Variants in TEAD3 observed in about 807,000 individuals in gnomAD.
The protein encoded by TEAD3 is TEA domain transcription factor 3.
TEAD3 carries 15 observed loss-of-function variants against 55.6 expected under a neutral mutation model. The observed-to-expected ratio is 0.27, with a 90% confidence interval of 0.18 to 0.42. The LOEUF (loss-of-function observed/expected upper bound fraction) is 0.42, where lower values mean the gene tolerates loss of function less well. Among genes scored for constraint, TEAD3 ranks in the 10% least tolerant of loss-of-function variants. The probability of loss-of-function intolerance (pLI) is 1.00; values close to 1 mark genes in which losing one functional copy is unlikely to be tolerated. For synonymous variants in TEAD3, 210 were observed against 232.2 expected (o/e 0.90, Z 0.87); for missense variants, 407 against 576.8 (o/e 0.71, Z 3.01).
Position 35,486,328 on chromosome 6 carries a change from A to T in TEAD3, c.202+133T>A. 1 of 1,082,280 alleles carries T rather than the reference A, an allele frequency of 9.2e-7. No homozygotes were observed. The highest frequency in any genetic ancestry group is 1.3e-6 in the Non-Finnish European group (1 of 764,818). 67.0% of individuals were successfully genotyped at this position (1,082,280 alleles called of 1,614,324 possible). A position where few individuals can be genotyped will look rare whatever the true frequency, so the allele number is the denominator to read the frequency against. On this transcript the variant is annotated intron_variant, in intron 2 of 12. Coordinates refer to ENST00000639578, the Ensembl canonical transcript of TEAD3. The surrounding 1 kb of genome is among the most constrained non-coding windows in gnomAD (Gnocchi z 7.3). ...TGAGGAGGAGCGCGGAGGAGGATCCAGACACACAGGCTTGCGCGCCCAGAC... is the reference window on the plus strand; with the variant it reads ...TGAGGAGGAGCGCGGAGGAGGATCCTGACACACAGGCTTGCGCGCCCAGAC...
Position 35,475,609 on chromosome 6 carries a change from G to C in TEAD3, c.998C>G (p.Thr333Ser). 6.2e-7 allele frequency: 1 copy of C among 1,613,488 alleles called. No homozygotes were observed. Among genetic ancestry groups the C allele is most frequent in the Non-Finnish European group, 8.5e-7 (1 of 1,179,550 alleles). ...CTGTTTGCCAAAGGAGCACACCTTG[G>C]TGGAGACGCTGATGGTCATGCTATC... Residue 333 changes from threonine to serine, a missense_variant, in exon 11 of 13, where the codon ACC (threonine) becomes AGC (serine). Coordinates refer to ENST00000639578, the Ensembl canonical transcript of TEAD3. This position sits in a 1 kb window ranked among gnomAD's most constrained non-coding sequence, Gnocchi z 5.4.
Position 35,475,841 on chromosome 6 carries a change from G to A in TEAD3, c.900+78C>T. The stretch of plus-strand genomic sequence containing the variant: ...CCATGAGGATGCAGCAGGGTCAGAG[G>A]TCAATGCAGTGGGCCTGGATGTTGC... On this transcript the variant is annotated intron_variant, in intron 10 of 12. Transcript: ENST00000639578. This position sits in a 1 kb window ranked among gnomAD's most constrained non-coding sequence, Gnocchi z 5.4. 6.7e-7 allele frequency: 1 copy of A among 1,500,132 alleles called. No homozygotes were observed. The highest frequency in any genetic ancestry group is 2.3e-5 in the East Asian group (1 of 43,854). The allele number at this position is 1,500,132 out of a possible 1,614,324, so 92.9% of individuals were successfully genotyped here.
chr6:35,479,694 C>G (rs533581261), intron 4 of TEAD3, among the ~76,000 whole-genome samples: 9 of 152,322 alleles, frequency 5.9e-5, no homozygotes, highest in African/African-American at 1.9e-4. Flanking sequence ...CTCTGAGATC[C>G]GCAGCTGCAG....
chr6:35,480,150 G>A, intron 3 of TEAD3, 162 bp downstream of exon 4: 1 of 1,549,316 alleles, frequency 6.5e-7, no homozygotes, highest in East Asian at 2.4e-5. Context: ...AAGAGAAAAA[G>A]AACAGAAAGA....
intron 1 of TEAD3, among the ~76,000 whole-genome samples, chr6:35,493,051 G>T (rs544308846): frequency 6.6e-6 from 1 of 152,262 alleles, no homozygotes; most frequent in South Asian, 2.1e-4. Context: ...GTGCCCTCAT[G>T]AGAGTCACGG....
Position 35,484,689 on chromosome 6 carries a change from C to T in TEAD3, c.203-65G>A. Reference sequence around the variant, plus strand: ...GGTGGAGCCAGAGGCTGGAGGCCCCCACCCCACCGGGAAGCCACTCCAGGA... The same window carrying T: ...GGTGGAGCCAGAGGCTGGAGGCCCCTACCCCACCGGGAAGCCACTCCAGGA... On this transcript the variant is annotated intron_variant, in intron 2 of 12. Transcript: ENST00000639578. The surrounding 1 kb of genome is among the most constrained non-coding windows in gnomAD (Gnocchi z 5.8). The T allele has an allele frequency of 6.8e-7, 1 of 1,463,192 alleles. No homozygotes were observed. Among genetic ancestry groups the T allele is most frequent in the South Asian group, 1.2e-5 (1 of 82,316 alleles). 90.6% of individuals were successfully genotyped at this position (1,463,192 alleles called of 1,614,324 possible).
Position 35,488,586 on chromosome 6 carries a change from G to A in TEAD3, c.-49-1875C>T, listed in dbSNP as rs983838377. ...AATTCCAGGTCCTGCTGCTTGAGTC[G>A]GGGTGGACTCTCTCTGCAGAGCCAC... On this transcript the variant is annotated intron_variant, in intron 1 of 12. Transcript: ENST00000639578. This position sits in a 1 kb window ranked among gnomAD's most constrained non-coding sequence, Gnocchi z 4.2. 5.3e-5 allele frequency among the ~76,000 whole-genome samples: 8 copies of A among 152,066 alleles called. No homozygotes were observed. The highest frequency in any genetic ancestry group is 7.4e-5 in the Non-Finnish European group (5 of 68,014).
chr6:35,492,130 C>A (rs1055961083), intron 1 of TEAD3, among the ~76,000 whole-genome samples: 3 of 152,206 alleles, frequency 2.0e-5, no homozygotes, highest in African/African-American at 7.2e-5. Flanking sequence ...TCCACCCCTG[C>A]AGGGACCCCA....
chr6:35,476,924 G>C (rs1050119192), intron 8 of TEAD3, among the ~76,000 whole-genome samples: 16 of 152,214 alleles, frequency 1.1e-4, no homozygotes, highest in African/African-American at 3.9e-4. Flanking sequence ...CTGGGTTTAA[G>C]TGATTCTCCT....
chr6:35,474,978 G>A, exon 13 of TEAD3: 1 of 1,370,020 alleles, frequency 7.3e-7, no homozygotes, highest in Admixed American at 2.5e-5. Flanking sequence ...GACCCCCCCA[G>A]GGGTGCCAGG....
chr6:35,488,972 T>C lies in TEAD3; in HGVS notation c.-49-2261A>G, dbSNP rs1768446543. 6.6e-6 allele frequency among the ~76,000 whole-genome samples: 1 copy of C among 152,230 alleles called. No homozygotes were observed. The highest frequency in any genetic ancestry group is 2.4e-5 in the African/African-American group (1 of 41,460). ...CGGGGTTTCACCATGTTGGCCAGGC[T>C]GGTCTCAAACTTCTGACCTCATGGT... is the stretch of plus-strand genomic sequence containing the variant. On this transcript the variant is annotated intron_variant, in intron 1 of 12. Coordinates refer to ENST00000639578, the Ensembl canonical transcript of TEAD3. The surrounding 1 kb of genome is among the most constrained non-coding windows in gnomAD (Gnocchi z 4.2).
Position 35,484,218 on chromosome 6 carries a change from T to C in TEAD3, c.267+342A>G, listed in dbSNP as rs1581725697. On this transcript the variant is annotated intron_variant, in intron 3 of 12. Transcript: ENST00000639578. The surrounding 1 kb of genome is among the most constrained non-coding windows in gnomAD (Gnocchi z 5.8). Reference sequence around the variant, plus strand: ...CCATCCATCTGACCATCTGGCTCCCTGGCTGGTGAGTGAGCCACTCAGGGC... The same window carrying C: ...CCATCCATCTGACCATCTGGCTCCCCGGCTGGTGAGTGAGCCACTCAGGGC... 6.6e-6 allele frequency among the ~76,000 whole-genome samples: 1 copy of C among 152,150 alleles called. No homozygotes were observed. Among genetic ancestry groups the C allele is most frequent in the African/African-American group, 2.4e-5 (1 of 41,434 alleles).
At position 35,480,299 on chromosome 6, in the gene TEAD3, G is replaced by T. The variant is rs368614198; in HGVS notation, c.268-177C>A. 1.2e-5 allele frequency: 19 copies of T among 1,613,108 alleles called. No individual in the cohort carries two copies. In the African/African-American group the frequency reaches 2.4e-4, roughly 20 times the overall value. On this transcript the variant is annotated intron_variant, in intron 3 of 12. Transcript: ENST00000639578. ...CAGGAGGGCTGAAGGCCCCCGCCAG[G>T]CACCCAACATACCTTGATGCCAACC...
At position 35,492,469 on chromosome 6, in the gene TEAD3, G is replaced by A. The variant is rs183641891; in HGVS notation, c.-50+4429C>T. Reference sequence around the variant, plus strand: ...CCACCTCCAGCCCAAGGACCCCGGAGGGACCCTGCCAAGCAGCCACACCCT... The same window carrying A: ...CCACCTCCAGCCCAAGGACCCCGGAAGGACCCTGCCAAGCAGCCACACCCT... On this transcript the variant is annotated intron_variant, in intron 1 of 12. Coordinates refer to ENST00000639578, the Ensembl canonical transcript of TEAD3. 5.6e-4 allele frequency among the ~76,000 whole-genome samples: 85 copies of A among 152,214 alleles called. No homozygotes were observed. In the East Asian group the frequency reaches 0.012, roughly 22 times the overall value.
chr6:35,489,650 T>C (rs2150916715), intron 1 of TEAD3, among the ~76,000 whole-genome samples: 2 of 152,210 alleles, frequency 1.3e-5, no homozygotes, highest in East Asian at 3.9e-4. Flanking sequence ...AGCCTGTCCC[T>C]CACCCCAGGA....
intron 1 of TEAD3, among the ~76,000 whole-genome samples, chr6:35,494,645 C>T (rs1286615350): frequency 1.3e-5 from 2 of 152,174 alleles, no homozygotes; most frequent in East Asian, 3.8e-4. Flanking sequence ...GCGTTTAGAC[C>T]CCTGGGCTCC....
In TEAD3 at chr6:35,488,072, A is replaced by T. The variant is rs1235686696; in HGVS notation, c.-49-1361T>A. On this transcript the variant is annotated intron_variant, in intron 1 of 12. Transcript: ENST00000639578. The surrounding 1 kb of genome is among the most constrained non-coding windows in gnomAD (Gnocchi z 4.2). ...CACCATTTTATCTTCCCCCAAATCG[A>T]TAACTAACCAGAACTCTGCCAAGGG... 6.6e-6 allele frequency among the ~76,000 whole-genome samples: 1 copy of T among 152,154 alleles called. No homozygotes were observed. The highest frequency in any genetic ancestry group is 1.5e-5 in the Non-Finnish European group (1 of 68,032).
chr6:35,480,899 A>C (rs1341126507), intron 3 of TEAD3, among the ~76,000 whole-genome samples: 1 of 152,118 alleles, frequency 6.6e-6, no homozygotes, highest in Non-Finnish European at 1.5e-5. Flanking sequence ...TTGGCACCAC[A>C]GGTGCTAGCA....
In TEAD3 at chr6:35,486,437, C is replaced by CCGCCCG. The variant is rs750683857; in HGVS notation, c.202+18_202+23dup. On this transcript the variant is annotated intron_variant, in intron 2 of 12. Transcript: ENST00000639578. The surrounding 1 kb of genome is among the most constrained non-coding windows in gnomAD (Gnocchi z 7.3). ...GAGAGCAGGGGGAAGGGCCGCAGTC[C>CCGCCCG]CGCCCGCGCCCCCCGGCACGCACCG... 1 of 1,597,284 alleles carries CCGCCCG rather than the reference C, an allele frequency of 6.3e-7. No individual in the cohort carries two copies. Among genetic ancestry groups the CCGCCCG allele is most frequent in the South Asian group, 1.1e-5 (1 of 89,556 alleles).
Sources: allele counts gnomAD v4.1 joint callset (sites outside exome capture counted in the v4.1 genomes callset), GRCh38; gene constraint gnomAD v4.1.1; non-coding constraint Gnocchi (gnomAD v3.1); transcripts MANE v1.5; gene names NCBI Gene and HGNC (gene_info 2026-07-23, HGNC 2026-07-21).